The following ZNF536 variants were observed in gnomAD, a reference collection of about 807,000 sequenced individuals.
The protein encoded by ZNF536 is zinc finger protein 536.
In ZNF536, 13 loss-of-function variants were observed where a neutral mutation model predicts 84.5. The observed-to-expected ratio is 0.15, with a 90% CI of 0.10 to 0.24. The LOEUF is 0.24. Among genes scored for constraint, ZNF536 ranks in the 10% least tolerant of loss-of-function variants. The pLI is 1.00. For missense variants in ZNF536, 1,536 were observed against 1,747.5 expected (o/e 0.88, Z 2.16); for synonymous variants, 811 against 742.5 (o/e 1.09, Z -1.50).
intron 1 of ZNF536, among the ~76,000 whole-genome samples, chr19:30,587,045 A>G (rs920033060): frequency 2.0e-5 from 3 of 152,262 alleles, no homozygotes; most frequent in Admixed American, 6.5e-5. Flanking sequence ...TGTAAAGGAC[A>G]AATAACATGA....
intron 2 of ZNF536, among the ~76,000 whole-genome samples, chr19:30,309,624 T>C (rs2046439013): frequency 6.6e-6 from 1 of 152,256 alleles, no homozygotes; most frequent in African/African-American, 2.4e-5. Flanking sequence ...ACATCATTTG[T>C]AACACTGCTG....
chr19:30,389,756 C>T (rs537414533), intron 1 of ZNF536, among the ~76,000 whole-genome samples: 5 of 152,276 alleles, frequency 3.3e-5, no homozygotes, highest in Non-Finnish European at 7.3e-5. Flanking sequence ...TTCTGTCCCG[C>T]CTAATAGCAT....
chr19:30,239,467 C>T (rs774333927), intron 1 of ZNF536, among the ~76,000 whole-genome samples: 15 of 152,118 alleles, frequency 9.9e-5, no homozygotes, highest in Non-Finnish European at 1.9e-4. Flanking sequence ...TGGCACGTGG[C>T]CTGGACCTTC....
chr19:30,559,868 C>A (rs1370914369), downstream of ZNF536, among the ~76,000 whole-genome samples: 2 of 152,176 alleles, frequency 1.3e-5, no homozygotes, highest in African/African-American at 4.8e-5. Flanking sequence ...GACTCGGAAG[C>A]ATTTCCGTTT....
intron 2 of ZNF536, among the ~76,000 whole-genome samples, chr19:30,320,844 C>T (rs1224236050): frequency 1.3e-5 from 2 of 152,144 alleles, no homozygotes; most frequent in Admixed American, 1.3e-4. Context: ...GGAGAAGGCC[C>T]ACTGTGCGCC....
intron 2 of ZNF536, among the ~76,000 whole-genome samples, chr19:30,299,266 A>G (rs1307104190): frequency 6.6e-6 from 1 of 152,216 alleles, no homozygotes; most frequent in Non-Finnish European, 1.5e-5. Context: ...CAACATCTGG[A>G]CATTATTATT....
chr19:30,620,451 T>C (rs1162668804), intron 1 of ZNF536, among the ~76,000 whole-genome samples: 1 of 152,170 alleles, frequency 6.6e-6, no homozygotes, highest in Non-Finnish European at 1.5e-5. Flanking sequence ...GAAGGGACAG[T>C]GGAACTGCCT....
chr19:30,639,472 C>A (rs2049186672), intron 1 of ZNF536, among the ~76,000 whole-genome samples: 1 of 152,140 alleles, frequency 6.6e-6, no homozygotes, highest in South Asian at 2.1e-4. Flanking sequence ...AAGCCCCATC[C>A]CAAGTTCCCA....
chr19:30,552,760 A>C (rs527716655), intron 4 of ZNF536, among the ~76,000 whole-genome samples: 1 of 152,164 alleles, frequency 6.6e-6, no homozygotes, highest in African/African-American at 2.4e-5. Flanking sequence ...CGAGGGGAGA[A>C]GCCGACCCAG....
At chr19:30,249,195 CTTAAA>C (rs1437004469) in intron 1 of ZNF536, among the ~76,000 whole-genome samples, 1 of 152,180 alleles carries the variant, frequency 6.6e-6, no homozygotes, top group Non-Finnish European at 1.5e-5. Context: ...CACAATCTCT[CTTAAA>C]TTATTCAGCA....
Position 30,379,999 on chromosome 19 carries a change from G to A in ZNF536, c.-3+7443G>A, listed in dbSNP as rs1170822231. Among the ~76,000 whole-genome samples, 3 of 152,170 alleles carry A rather than the reference G, an allele frequency of 2.0e-5. No individual in the cohort carries two copies. The East Asian group carries it at 5.8e-4, about 29-fold the overall frequency. On this transcript the variant is annotated intron_variant, in intron 1 of 4. Coordinates refer to ENST00000355537, the MANE Select transcript of ZNF536 (RefSeq NM_014717.3). ...GTAAAAATTTGCCAGATGTCACAGAGCTGGCCAGTGATGGAGCAGGGACTT... is the reference window on the plus strand; with the variant it reads ...GTAAAAATTTGCCAGATGTCACAGAACTGGCCAGTGATGGAGCAGGGACTT...
chr19:30,310,487 A>G (rs762996943), intron 2 of ZNF536, among the ~76,000 whole-genome samples: 25 of 152,254 alleles, frequency 1.6e-4, no homozygotes, highest in Non-Finnish European at 2.2e-4. Context: ...ATTGATTGAC[A>G]GGGGAAAATT....
chr19:30,405,537 C>T (rs898269581), intron 1 of ZNF536, among the ~76,000 whole-genome samples: 1 of 152,066 alleles, frequency 6.6e-6, no homozygotes, highest in Non-Finnish European at 1.5e-5. Context: ...GTCTGATGAG[C>T]CATCAGACCA....
chr19:30,450,591 C>G (rs1303170239), intron 2 of ZNF536, among the ~76,000 whole-genome samples: 1 of 152,108 alleles, frequency 6.6e-6, no homozygotes, highest in African/African-American at 2.4e-5. Context: ...ATTTTTTTAG[C>G]CCAGGCTCAA....
intron 1 of ZNF536, among the ~76,000 whole-genome samples, chr19:30,610,546 C>T (rs747912932): frequency 6.6e-6 from 1 of 152,210 alleles, no homozygotes; most frequent in South Asian, 2.1e-4. Context: ...CATTCAATTT[C>T]TGTTTGAATC....
At chr19:30,520,143 G>A (rs1599670867) in intron 2 of ZNF536, among the ~76,000 whole-genome samples, 1 of 152,190 alleles carries the variant, frequency 6.6e-6, no homozygotes, top group Non-Finnish European at 1.5e-5. Flanking sequence ...GAAATTTCTG[G>A]CCCGGTGGGC....
chr19:30,592,366 A>G (rs1599909848), intron 1 of ZNF536, among the ~76,000 whole-genome samples: 1 of 152,180 alleles, frequency 6.6e-6, no homozygotes, highest in South Asian at 2.1e-4. Flanking sequence ...CCGGCAACTT[A>G]TTTGATCACC....
chr19:30,357,014 G>C (rs772418943), intron 3 of ZNF536, among the ~76,000 whole-genome samples: 1 of 152,238 alleles, frequency 6.6e-6, no homozygotes, highest in Non-Finnish European at 1.5e-5. Context: ...CACAATGTTG[G>C]ACAAGACAGA....
At chr19:30,353,352 T>C (rs1394149362) in intron 3 of ZNF536, among the ~76,000 whole-genome samples, 8 of 152,036 alleles carry the variant, frequency 5.3e-5, no homozygotes, top group Non-Finnish European at 1.0e-4. Flanking sequence ...GAGAAAAATA[T>C]CTGCAGCGTA....
Sources: allele counts gnomAD v4.1 joint callset (sites outside exome capture counted in the v4.1 genomes callset), GRCh38; gene constraint gnomAD v4.1.1; transcripts MANE v1.5; gene names NCBI Gene and HGNC (gene_info 2026-07-23, HGNC 2026-07-21).